The following TBC1D22A variants were observed in gnomAD, a reference collection of about 807,000 sequenced individuals.
TBC1D22A encodes the protein putative GTPase activator.
Under a neutral mutation model 60.2 loss-of-function variants are expected in TBC1D22A, and 38 were observed. The observed-to-expected ratio is 0.63, with a 90% CI of 0.49 to 0.83. TBC1D22A has a LOEUF of 0.83. Ranked by LOEUF, TBC1D22A falls within the 40% of genes least tolerant of loss-of-function variation. The pLI, the probability that TBC1D22A is intolerant of heterozygous loss-of-function variation, is 0.00. For missense variants in TBC1D22A, 628 were observed against 701.0 expected (o/e 0.90, Z 1.18); for synonymous variants, 302 against 281.7 (o/e 1.07, Z -0.72).
chr22:47,167,114 T>C (rs2068237556), intron 12 of TBC1D22A, among the ~76,000 whole-genome samples: 1 of 152,254 alleles, frequency 6.6e-6, no homozygotes, highest in Non-Finnish European at 1.5e-5. Context: ...CATCACGTTT[T>C]CTCCCAACGA....
chr22:46,991,626 C>A (rs963370816), intron 9 of TBC1D22A, among the ~76,000 whole-genome samples: 1 of 152,156 alleles, frequency 6.6e-6, no homozygotes, highest in East Asian at 1.9e-4. Context: ...TGAATGATAC[C>A]CCTCCATCCT....
intron 10 of TBC1D22A, among the ~76,000 whole-genome samples, chr22:47,031,462 G>A (rs1021948985): frequency 6.6e-6 from 1 of 152,250 alleles, no homozygotes; most frequent in African/African-American, 2.4e-5. Flanking sequence ...GGCCTTGCCT[G>A]TGCCTGTGAG....
chr22:46,803,733 C>T (rs2085004511), intron 4 of TBC1D22A, among the ~76,000 whole-genome samples: 1 of 152,206 alleles, frequency 6.6e-6, no homozygotes, highest in Admixed American at 6.5e-5. Context: ...GCCCTGGCGT[C>T]TCATCAGGGA....
At chr22:47,165,157 C>A (rs1036848068) in intron 12 of TBC1D22A, among the ~76,000 whole-genome samples, 2 of 152,122 alleles carry the variant, frequency 1.3e-5, no homozygotes, top group East Asian at 1.9e-4. Flanking sequence ...CCGTCGTCCC[C>A]TGTGATTGCC....
chr22:46,968,806 T>A (rs2073933420), intron 8 of TBC1D22A, among the ~76,000 whole-genome samples: 2 of 152,272 alleles, frequency 1.3e-5, no homozygotes, highest in African/African-American at 4.8e-5. Flanking sequence ...CTAAAACAGC[T>A]TTTCGCATAT....
Position 46,953,520 on chromosome 22 carries a change from A to C in TBC1D22A, c.1016-20770A>C, listed in dbSNP as rs552115086. Among the ~76,000 whole-genome samples, 6 of 152,012 alleles carry C rather than the reference A, an allele frequency of 3.9e-5. No homozygotes were observed. The South Asian group carries it at 1.2e-3, about 31-fold the overall frequency. On this transcript the variant is annotated intron_variant, in intron 8 of 12. Coordinates refer to ENST00000337137, the MANE Select transcript of TBC1D22A (RefSeq NM_014346.5). ...CATTTATTTTTGTAGGTCTGTATCTACTTGGCCTTAAACATGATTTCTTTT... is the reference window on the plus strand; with the variant it reads ...CATTTATTTTTGTAGGTCTGTATCTCCTTGGCCTTAAACATGATTTCTTTT...
intron 12 of TBC1D22A, among the ~76,000 whole-genome samples, chr22:47,124,650 G>A (rs2066388377): frequency 1.3e-5 from 2 of 152,368 alleles, no homozygotes; most frequent in South Asian, 4.1e-4. Flanking sequence ...GAGGGGCATG[G>A]AGGAGGCAAG....
intron 10 of TBC1D22A, among the ~76,000 whole-genome samples, chr22:47,012,391 C>T (rs1461036693): frequency 6.6e-6 from 1 of 152,152 alleles, no homozygotes; most frequent in African/African-American, 2.4e-5. Context: ...TCTCTGTCCC[C>T]GTCCTGAACC....
chr22:46,839,793 T>A (rs2086674700), intron 4 of TBC1D22A, among the ~76,000 whole-genome samples: 1 of 152,226 alleles, frequency 6.6e-6, no homozygotes, highest in East Asian at 1.9e-4. Flanking sequence ...AATAAATCCA[T>A]GCATTTGTGG....
intron 4 of TBC1D22A, among the ~76,000 whole-genome samples, chr22:46,804,696 A>G (rs1415807610): frequency 6.6e-6 from 1 of 152,208 alleles, no homozygotes; most frequent in Admixed American, 6.5e-5. Flanking sequence ...GAAAATTAGG[A>G]ATTTTATTTA....
intron 1 of TBC1D22A, among the ~76,000 whole-genome samples, chr22:46,774,885 C>G (rs1205693918): frequency 6.6e-6 from 1 of 152,242 alleles, no homozygotes; most frequent in East Asian, 1.9e-4. Flanking sequence ...GCACCGGAGC[C>G]CGGCCGATGC....
intron 11 of TBC1D22A, among the ~76,000 whole-genome samples, chr22:47,109,702 T>A (rs2065775683): frequency 6.6e-6 from 1 of 152,202 alleles, no homozygotes; most frequent in Admixed American, 6.5e-5. Flanking sequence ...AACTTCGCCC[T>A]TCCAGTTGTT....
At chr22:47,156,973 G>T (rs2067744436) in intron 12 of TBC1D22A, among the ~76,000 whole-genome samples, 1 of 152,222 alleles carries the variant, frequency 6.6e-6, no homozygotes, top group Non-Finnish European at 1.5e-5. Flanking sequence ...GCATCAGTGT[G>T]GGTTGCACCT....
rs529815071 is a variant in TBC1D22A, at chr22:46,801,239, C to T, written c.637+3619C>T. On this transcript the variant is annotated intron_variant, in intron 4 of 12. Coordinates refer to ENST00000337137, the MANE Select transcript of TBC1D22A (RefSeq NM_014346.5). The stretch of plus-strand genomic sequence containing the variant: ...TGTATTTAGTAGCAAGAGAAAACAT[C>T]GCCAGTAAATTGCCTGTTTTTATAA... Among the ~76,000 whole-genome samples, 67 of 152,256 alleles carry T rather than the reference C, an allele frequency of 4.4e-4. 1 individual carries two copies. The South Asian group carries it at 8.1e-3, about 18-fold the overall frequency.
chr22:46,868,382 T>TA (rs1280307186), intron 4 of TBC1D22A, among the ~76,000 whole-genome samples: 6 of 152,184 alleles, frequency 3.9e-5, no homozygotes. Context: ...ATGTGTAAGG[T>TA]ATATATGAAC....
At chr22:46,789,086 G>C (rs1357719350) in intron 1 of TBC1D22A, 1 of 168,128 alleles carries the variant, frequency 5.9e-6, no homozygotes, top group Non-Finnish European at 1.3e-5. Flanking sequence ...ACTTTTCCTA[G>C]TTCTAAGTGT....
chr22:47,078,945 A>C lies in TBC1D22A; in HGVS notation c.1330-32563A>C, dbSNP rs545819648. 3.9e-4 allele frequency among the ~76,000 whole-genome samples: 60 copies of C among 152,338 alleles called. 1 individual carries two copies. The highest frequency in any genetic ancestry group is 1.4e-3 in the African/African-American group (60 of 41,574). ...GATTCCATCAGTTTACAGAGCTCTCAGCTACAGTGTCCTCAACTGTGCAGA... is the reference window on the plus strand; with the variant it reads ...GATTCCATCAGTTTACAGAGCTCTCCGCTACAGTGTCCTCAACTGTGCAGA... On this transcript the variant is annotated intron_variant, in intron 11 of 12. Coordinates refer to ENST00000337137, the MANE Select transcript of TBC1D22A (RefSeq NM_014346.5).
At chr22:47,118,101 C>T (rs958783307) in intron 12 of TBC1D22A, among the ~76,000 whole-genome samples, 9 of 151,704 alleles carry the variant, frequency 5.9e-5, no homozygotes, top group African/African-American at 1.5e-4. Flanking sequence ...CCAGCCGGGG[C>T]GACAGAGTGA....
intron 4 of TBC1D22A, among the ~76,000 whole-genome samples, chr22:46,811,572 A>G (rs2085377931): frequency 6.6e-6 from 1 of 152,198 alleles, no homozygotes. Context: ...CAACAGTCAC[A>G]AGCAACGGTC....
Sources: allele counts gnomAD v4.1 joint callset (sites outside exome capture counted in the v4.1 genomes callset), GRCh38; gene constraint gnomAD v4.1.1; transcripts MANE v1.5; gene names NCBI Gene and HGNC (gene_info 2026-07-23, HGNC 2026-07-21).